TCF7L1: variants seen among roughly 807,000 people sequenced by gnomAD.
TCF7L1 encodes transcription factor 7-like 1.
A neutral mutation model predicts 63.7 loss-of-function variants in TCF7L1; 18 were observed. The ratio of observed to expected loss-of-function variants is 0.28; its 90% CI spans 0.20 to 0.42. TCF7L1 has a LOEUF of 0.42. Among genes scored for constraint, TCF7L1 ranks in the 10% least tolerant of loss-of-function variants. The probability of loss-of-function intolerance (pLI) is 1.00; values close to 1 mark genes in which losing one functional copy is unlikely to be tolerated. For missense variants in TCF7L1, 654 were observed against 779.3 expected (o/e 0.84, Z 1.91); for synonymous variants, 355 against 340.9 (o/e 1.04, Z -0.46).
intron 3 of TCF7L1, among the ~76,000 whole-genome samples, chr2:85,144,178 T>C (rs73943061): frequency 0.018 from 2,753 of 152,274 alleles, 92 homozygotes; most frequent in African/African-American, 0.063. Context: ...TTATGGTTCA[T>C]CTTATAAAAT....
chr2:85,290,531 C>G (rs2104376389), intron 4 of TCF7L1, among the ~76,000 whole-genome samples: 1 of 152,254 alleles, frequency 6.6e-6, no homozygotes, highest in African/African-American at 2.4e-5. Context: ...GTATATAGTT[C>G]TGTGAGTTTT....
intron 3 of TCF7L1, among the ~76,000 whole-genome samples, chr2:85,257,898 C>T (rs905977127): frequency 6.6e-6 from 1 of 152,266 alleles, no homozygotes; most frequent in Non-Finnish European, 1.5e-5. Flanking sequence ...TTCCATGATT[C>T]GGGATCAGGA....
chr2:85,254,685 T>C (rs562249919), intron 3 of TCF7L1, among the ~76,000 whole-genome samples: 1 of 152,340 alleles, frequency 6.6e-6, no homozygotes, highest in East Asian at 1.9e-4. Flanking sequence ...TCTGTTTCCG[T>C]TGGGGGCTCT....
intron 3 of TCF7L1, among the ~76,000 whole-genome samples, chr2:85,276,971 C>T (rs115241093): frequency 1.9e-4 from 29 of 152,116 alleles, no homozygotes; most frequent in Admixed American, 4.6e-4. Flanking sequence ...AAGTTTCCCA[C>T]GAGTGAAGGA....
chr2:85,172,416 A>G (rs1353068764), intron 3 of TCF7L1, among the ~76,000 whole-genome samples: 1 of 151,992 alleles, frequency 6.6e-6, no homozygotes, highest in Non-Finnish European at 1.5e-5. Context: ...TGCCTCCTTC[A>G]CCTAGAACAT....
At chr2:85,305,183 G>T (rs994405455) in intron 7 of TCF7L1, 77 bp from the exon 8 acceptor site, 7 of 1,591,164 alleles carry the variant, frequency 4.4e-6, no homozygotes, top group Non-Finnish European at 5.2e-6. Context: ...AAGGCAGAGA[G>T]CCACCGTGTC....
Position 85,303,967 on chromosome 2 carries a change from TC to T in TCF7L1, c.736del (p.His246ThrfsTer31). On this transcript the variant is annotated frameshift_variant, in exon 6 of 12. Transcript: ENST00000282111. LOFTEE classifies it high-confidence loss of function. ...CTCTCTCCCGGAGCTGTCGGACAAA[TC>T]CCCCACCCCCTCGGCTGGCTCGTCC... ...YPLSPGAVGQ[I>X]PHPLGWLVPQ... 1 of 1,610,064 alleles carries T rather than the reference TC, an allele frequency of 6.2e-7. No homozygotes were observed. Among genetic ancestry groups the T allele is most frequent in the Non-Finnish European group, 8.5e-7 (1 of 1,178,538 alleles).
intron 3 of TCF7L1, among the ~76,000 whole-genome samples, chr2:85,172,361 A>G (rs1047972428): frequency 2.0e-5 from 3 of 152,110 alleles, no homozygotes; most frequent in South Asian, 2.1e-4. Context: ...CTTATTCCCA[A>G]ACTCACTTGG....
At position 85,283,551 on chromosome 2, in the gene TCF7L1, C is replaced by T; in HGVS notation, c.498C>T (p.Asp166=). 6.2e-7 allele frequency: 1 copy of T among 1,614,170 alleles called. No homozygotes were observed. The highest frequency in any genetic ancestry group is 1.1e-5 in the South Asian group (1 of 91,080). The part of the protein sequence containing the change: ...LDVPSSATVK[D]TRSPSPAHLS... ...TCCCCTCCAGCGCCACAGTCAAGGA[C>T]ACGAGGTCACCATCTCCAGCACACT... Residue 166 remains aspartate (D), a synonymous_variant, in exon 4 of 12, where the codon GAC becomes GAT. Coordinates refer to ENST00000282111, the MANE Select transcript of TCF7L1 (RefSeq NM_031283.3).
intron 3 of TCF7L1, among the ~76,000 whole-genome samples, chr2:85,147,589 A>G (rs1166558150): frequency 6.6e-6 from 1 of 151,912 alleles, no homozygotes; most frequent in African/African-American, 2.4e-5. Context: ...TGAGGAGGAC[A>G]GGATCTTGGT....
chr2:85,241,195 A>C (rs1301346581), intron 3 of TCF7L1, among the ~76,000 whole-genome samples: 1 of 152,096 alleles, frequency 6.6e-6, no homozygotes, highest in Non-Finnish European at 1.5e-5. Flanking sequence ...TTTACACAGC[A>C]TGTCTTTTGG....
chr2:85,268,734 G>A (rs1440685918), intron 3 of TCF7L1, among the ~76,000 whole-genome samples: 1 of 149,900 alleles, frequency 6.7e-6, no homozygotes, highest in Non-Finnish European at 1.5e-5. Flanking sequence ...CAGCCACCGT[G>A]CCCAGCCTGG....
At chr2:85,184,461 G>A (rs17026000) in intron 3 of TCF7L1, among the ~76,000 whole-genome samples, 4,290 of 152,068 alleles carry the variant, frequency 0.028, 211 homozygotes, top group African/African-American at 0.097. Context: ...GAGAATGAGC[G>A]GACAAGGAGC....
intron 3 of TCF7L1, among the ~76,000 whole-genome samples, chr2:85,233,527 G>A (rs1040511527): frequency 2.0e-5 from 3 of 151,444 alleles, no homozygotes; most frequent in African/African-American, 7.3e-5. Context: ...TGTTGGCCAG[G>A]ATGGTCTCGA....
intron 3 of TCF7L1, among the ~76,000 whole-genome samples, chr2:85,189,638 G>A (rs1324469844): frequency 6.6e-6 from 1 of 152,226 alleles, no homozygotes; most frequent in Non-Finnish European, 1.5e-5. Context: ...GCTCTTTGTG[G>A]AAGGACGGCC....
intron 4 of TCF7L1, among the ~76,000 whole-genome samples, chr2:85,287,187 C>T (rs1030079338): frequency 6.6e-6 from 1 of 152,164 alleles, no homozygotes; most frequent in African/African-American, 2.4e-5. Context: ...ACTCATTTTC[C>T]TGCTTTTTTG....
chr2:85,214,571 G>A (rs1431019622), intron 3 of TCF7L1, among the ~76,000 whole-genome samples: 1 of 152,222 alleles, frequency 6.6e-6, no homozygotes, highest in African/African-American at 2.4e-5. Flanking sequence ...AAAGGTTAGA[G>A]TAGGAGTTAC....
Position 85,204,293 on chromosome 2 carries a change from C to CCCT in TCF7L1, c.441+69845_441+69846insTCC, listed in dbSNP as rs1553398900. ...TTATTTCTATTTGATAACTTGCTTC[C>CCCT]CCCCCCCCCCCCACTTAATAGGGTA... On this transcript the variant is annotated intron_variant, in intron 3 of 11. Transcript: ENST00000282111. 4.5e-4 allele frequency among the ~76,000 whole-genome samples: 16 copies of CCCT among 35,458 alleles called. 3 individuals are homozygous for CCCT. The highest frequency in any genetic ancestry group is 2.2e-3 in the African/African-American group (16 of 7,232). 23.3% of individuals were successfully genotyped at this position (35,458 alleles called of 152,430 possible).
At chr2:85,277,046 G>A (rs1681289621) in intron 3 of TCF7L1, among the ~76,000 whole-genome samples, 1 of 152,122 alleles carries the variant, frequency 6.6e-6, no homozygotes, top group Non-Finnish European at 1.5e-5. Flanking sequence ...AGTGCAGTGA[G>A]GACTCTGTGC....
Sources: gnomAD v4.1 joint callset for allele counts (sites outside exome capture counted in the v4.1 genomes callset) on GRCh38, gnomAD v4.1.1 for gene constraint, MANE v1.5 for transcripts, NCBI Gene and HGNC (gene_info 2026-07-23, HGNC 2026-07-21) for gene names.